PODNL1: variants seen among roughly 807,000 people sequenced by gnomAD.
PODNL1 encodes podocan-like protein 1.
Under a neutral mutation model 45.1 loss-of-function variants are expected in PODNL1, and 50 were observed. That is an observed-to-expected ratio of 1.11 (90% CI 0.88 to 1.40). The LOEUF (loss-of-function observed/expected upper bound fraction) is 1.40. Among genes scored for constraint, PODNL1 ranks in the 40% most tolerant of loss-of-function variants. The probability of loss-of-function intolerance (pLI) is 0.00; values close to 1 mark genes in which losing one functional copy is unlikely to be tolerated. For synonymous variants in PODNL1, 406 were observed against 372.5 expected (o/e 1.09, Z -1.04); for missense variants, 788 against 793.3 (o/e 0.99, Z 0.08).
intron 1 of PODNL1, chr19:13,952,652 C>T: frequency 8.2e-7 from 1 of 1,212,428 alleles, no homozygotes. Flanking sequence ...AAGGTGAGGC[C>T]TGGAGCCGGA....
intron 1 of PODNL1, chr19:13,953,089 C>T (rs932227783): frequency 1.1e-5 from 17 of 1,550,560 alleles, no homozygotes; most frequent in Non-Finnish European, 1.5e-5. Context: ...GCCCAAGCCC[C>T]GACCACACAT....
At chr19:13,948,075 C>G (rs749329415) in intron 1 of PODNL1, among the ~76,000 whole-genome samples, 9 of 151,968 alleles carry the variant, frequency 5.9e-5, no homozygotes. Flanking sequence ...GGTTGGTCTC[C>G]GGGGATCAAG....
At chr19:13,952,353 C>G in intron 1 of PODNL1, 1 of 1,047,474 alleles carries the variant, frequency 9.5e-7, no homozygotes, top group Non-Finnish European at 1.2e-6. Flanking sequence ...GTTACTGTCG[C>G]TACCAATCAA....
Position 13,933,987 on chromosome 19 carries a change from G to T in PODNL1, c.658C>A (p.Leu220Ile). 1 of 1,602,836 alleles carries T rather than the reference G, an allele frequency of 6.2e-7. No homozygotes were observed. Among genetic ancestry groups the T allele is most frequent in the Non-Finnish European group, 8.5e-7 (1 of 1,174,640 alleles). ...GCTCCTCGGGGCACCTTGGAGATGA[G>T]ATTGTTCTGGAGAAGGAAGAAGAGA... Reference protein sequence around the residue: ...SLERLHLQNNLISKVPRGALS... With the variant: ...SLERLHLQNNIISKVPRGALS... Residue 220 changes from leucine to isoleucine, a missense_variant, in exon 7 of 10, where the codon CTC becomes ATC. Around this residue, in one of 3 missense-constraint regions of PODNL1, gnomAD observed 762 missense variants for 750.9 expected, o/e 1.01. Transcript: ENST00000588872. This position sits in a 1 kb window ranked among gnomAD's most constrained non-coding sequence, Gnocchi z 5.2.
In PODNL1 at chr19:13,936,135, G is replaced by T. The variant is rs979436497; in HGVS notation, c.320-91C>A. The T allele has an allele frequency of 1.6e-5, 20 of 1,225,304 alleles. No homozygotes were observed. The African/African-American group carries it at 2.6e-4, about 16-fold the overall frequency. The allele number at this position is 1,225,304 out of a possible 1,614,324, so 75.9% of individuals were successfully genotyped here. ...CCCAGCTGCCCCAGGACTCTCGGCCGGGGAACTGGCAGAGGCTCCCCAGGC... is the reference window on the plus strand; with the variant it reads ...CCCAGCTGCCCCAGGACTCTCGGCCTGGGAACTGGCAGAGGCTCCCCAGGC... On this transcript the variant is annotated intron_variant, in intron 3 of 9. Transcript: ENST00000588872.
chr19:13,937,759 C>T (rs1972467691), intron 2 of PODNL1, 26 bp downstream of exon 2: 4 of 1,552,318 alleles, frequency 2.6e-6, no homozygotes, highest in South Asian at 2.4e-5. Context: ...GCCCTGCATG[C>T]CCCCACTCCC....
At chr19:13,953,042 T>C (rs1317213693) in intron 1 of PODNL1, 4 of 1,497,960 alleles carry the variant, frequency 2.7e-6, no homozygotes. Flanking sequence ...CCCCTGCCGC[T>C]GGCTTTGGGC....
intron 1 of PODNL1, among the ~76,000 whole-genome samples, chr19:13,951,631 A>G (rs113038409): frequency 0.18 from 26,941 of 152,128 alleles, 2,667 homozygotes; most frequent in Middle Eastern, 0.25. Flanking sequence ...AAAATTAGGC[A>G]GGCGTGGTGG....
At chr19:13,952,706 G>A in intron 1 of PODNL1, 1 of 1,300,912 alleles carries the variant, frequency 7.7e-7, no homozygotes, top group Admixed American at 3.9e-5. Context: ...CGAGGGAGGC[G>A]GAGGGAGGAG....
rs1198013297 is a variant in PODNL1 at position 13,952,375 on chromosome 19, G to A, written c.18+744C>T. 6 of 1,144,024 alleles carry A rather than the reference G, an allele frequency of 5.2e-6. No individual in the cohort carries two copies. In the African/African-American group the frequency reaches 6.4e-5, roughly 12 times the overall value. 70.9% of individuals were successfully genotyped at this position (1,144,024 alleles called of 1,614,324 possible). A position where few individuals can be genotyped will look rare whatever the true frequency, so the allele number is the denominator to read the frequency against. ...TCGCTACCAATCAAGAGTCGAGATG[G>A]CTTTGATGGACAGGCATAGCGCGAG... On this transcript the variant is annotated intron_variant, in intron 1 of 7. Transcript: ENST00000538371.
chr19:13,933,828 A>AC lies in PODNL1; in HGVS notation c.767+49dup. 6.7e-7 allele frequency: 1 copy of AC among 1,481,634 alleles called. No homozygotes were observed. Among genetic ancestry groups the AC allele is most frequent in the Non-Finnish European group, 9.2e-7 (1 of 1,084,696 alleles). 91.8% of individuals were successfully genotyped at this position (1,481,634 alleles called of 1,614,324 possible). On this transcript the variant is annotated intron_variant, in intron 7 of 9. Transcript: ENST00000588872. The surrounding 1 kb of genome is among the most constrained non-coding windows in gnomAD (Gnocchi z 5.2). The stretch of plus-strand genomic sequence containing the variant: ...CAGGGAAGGGGGACTGAAGGTTGGG[A>AC]CCCCCGACTGTAAATTCTCAGCCCC...
chr19:13,949,517 G>A (rs1972931973), intron 1 of PODNL1: 1 of 152,006 alleles, frequency 6.6e-6, no homozygotes, highest in African/African-American at 2.4e-5. Flanking sequence ...GGTCTTAACA[G>A]TTGCCGAGGC....
At chr19:13,953,156 T>G in exon 1 of PODNL1, 1 of 1,542,954 alleles carries the variant, frequency 6.5e-7, no homozygotes. Context: ...GGGAGCTCCC[T>G]GGATAGGGCT....
upstream of PODNL1, among the ~76,000 whole-genome samples, chr19:13,941,546 C>G (rs1972656680): frequency 6.6e-6 from 1 of 152,034 alleles, no homozygotes. Flanking sequence ...CGCAGTGGCC[C>G]ACGCCTGTAA....
rs1203954741 is a variant in PODNL1, at chr19:13,933,964, T to A, written c.681A>T (p.Gly227=). Residue 227 remains glycine (G), a synonymous_variant, in exon 7 of 10, where the codon GGA becomes GGT. Transcript: ENST00000588872. The surrounding 1 kb of genome is among the most constrained non-coding windows in gnomAD (Gnocchi z 5.2). ...GGAGTTGAGTCTGGCGGCTCAGGGC[T>A]CCTCGGGGCACCTTGGAGATGAGAT... is the stretch of plus-strand genomic sequence containing the variant. ...QNNLISKVPR[G]ALSRQTQLRE... is the part of the protein sequence containing the mutation. 3 of 1,611,018 alleles carry A rather than the reference T, an allele frequency of 1.9e-6. No homozygotes were observed. Among genetic ancestry groups the A allele is most frequent in the Non-Finnish European group, 2.5e-6 (3 of 1,178,712 alleles).
chr19:13,934,795 G>A (rs568133995), intron 5 of PODNL1, among the ~76,000 whole-genome samples: 3 of 152,216 alleles, frequency 2.0e-5, no homozygotes, highest in East Asian at 3.9e-4. Context: ...GGGTGAGTGT[G>A]TGCATGTGAT....
At chr19:13,949,280 A>T (rs546432753) in intron 1 of PODNL1, 7 of 151,708 alleles carry the variant, frequency 4.6e-5, no homozygotes, top group African/African-American at 1.7e-4. Flanking sequence ...TTGAAACAAC[A>T]TTATTTTATT....
chr19:13,934,337 T>C lies in PODNL1; in HGVS notation c.568A>G (p.Ile190Val). 1 of 1,555,762 alleles carries C rather than the reference T, an allele frequency of 6.4e-7. No individual in the cohort carries two copies. Among genetic ancestry groups the C allele is most frequent in the Non-Finnish European group, 8.7e-7 (1 of 1,154,764 alleles). The change falls in exon 6 of 10, where the codon ATC becomes GTC. Residue 190 changes from isoleucine (I) to valine (V), a missense_variant. Transcript: ENST00000588872. ...PPDAFRGSEA[I>V]ATLSLSNNQL... is the part of the protein sequence containing the mutation. ...TTGTTGGAGAGGCTGAGGGTGGCGA[T>C]GGCCTCGGAGCCGCGGAAGGCGTCG...
At position 13,934,377 on chromosome 19, in the gene PODNL1, G is replaced by T. The variant is rs1279102027; in HGVS notation, c.528C>A (p.Asn176Lys). 2 of 1,551,854 alleles carry T rather than the reference G, an allele frequency of 1.3e-6. No individual in the cohort carries two copies. The highest frequency in any genetic ancestry group is 1.4e-5 in the African/African-American group (1 of 74,050). The change falls in exon 6 of 10, where the codon AAC (asparagine) becomes AAA (lysine). Residue 176 changes from asparagine to lysine, a missense_variant. Asn to Lys is a moderately conservative substitution (Grantham distance 94). Around this residue, in one of 3 missense-constraint regions of PODNL1, gnomAD observed 762 missense variants for 750.9 expected, o/e 1.01. Transcript: ENST00000588872. The part of the protein sequence containing the change: ...SVYLHNNQLS[N>K]AGLPPDAFRG... The stretch of plus-strand genomic sequence containing the variant: ...GGAAGGCGTCGGGGGGCAGGCCAGC[G>T]TTGCTCAGCTGGTTGTTGTGGAGGT...
Sources: gnomAD v4.1 joint callset for allele counts (sites outside exome capture counted in the v4.1 genomes callset) on GRCh38, gnomAD v4.1.1 for gene constraint, gnomAD v4.1.1 regional missense constraint, Gnocchi (gnomAD v3.1) non-coding constraint, MANE v1.5 for transcripts, NCBI Gene and HGNC (gene_info 2026-07-23, HGNC 2026-07-21) for gene names.